PCDHGA7: variants seen among roughly 807,000 people sequenced by gnomAD.
The protein encoded by PCDHGA7 is protocadherin gamma-A7.
A neutral mutation model predicts 58.3 loss-of-function variants in PCDHGA7; 44 were observed. The ratio of observed to expected loss-of-function variants is 0.75; its 90% CI spans 0.59 to 0.97. The LOEUF (loss-of-function observed/expected upper bound fraction) is 0.97. Among genes scored for constraint, PCDHGA7 ranks in the 50% least tolerant of loss-of-function variants. The pLI, the probability that PCDHGA7 is intolerant of heterozygous loss-of-function variation, is 0.00. For missense variants in PCDHGA7, 1,266 were observed against 1,188.7 expected (o/e 1.06, Z -0.96); for synonymous variants, 516 against 504.2 (o/e 1.02, Z -0.31).
rs564486909 is a variant in PCDHGA7, at chr5:141,428,072, G to A, written c.2424+42749G>A. The A allele has an allele frequency of 1.6e-5, 25 of 1,609,080 alleles. No individual in the cohort carries two copies. The South Asian group carries it at 1.9e-4, about 12-fold the overall frequency. On this transcript the variant is annotated intron_variant, in intron 1 of 3. Coordinates refer to ENST00000518325, the MANE Select transcript of PCDHGA7 (RefSeq NM_018920.4). The stretch of plus-strand genomic sequence containing the variant: ...AGGTGGTGGCGGTGGACGCAGATTC[G>A]GGACACAACGCTTGGCTGTCCTACC...
intron 1 of PCDHGA7, chr5:141,414,202 G>A: frequency 6.2e-7 from 1 of 1,611,912 alleles, no homozygotes; most frequent in Non-Finnish European, 8.5e-7. Flanking sequence ...TACAGTAGAA[G>A]ATGTAAATGA....
At chr5:141,421,436 G>C (rs373015809) in intron 1 of PCDHGA7, 6 of 1,613,994 alleles carry the variant, frequency 3.7e-6, no homozygotes, top group African/African-American at 2.7e-5. Context: ...ATCGTCTCCA[G>C]AGGGAAGACA....
In PCDHGA7 at chr5:141,383,797, G is replaced by T; in HGVS notation, c.898G>T (p.Glu300Ter). The change falls in exon 1 of 4, where the codon GAA becomes TAA. Residue 300 changes from glutamate to a stop codon, truncating the protein, a stop_gained. Transcript: ENST00000518325. LOFTEE classifies it high-confidence loss of function. The part of the protein sequence containing the change: ...KMFHLNSLTG[E>*]ISTLEGLDYE... ...GTTTCATCTGAACTCGCTTACAGGAGAAATATCAACTTTAGAAGGATTAGA... is the reference window on the plus strand; with the variant it reads ...GTTTCATCTGAACTCGCTTACAGGATAAATATCAACTTTAGAAGGATTAGA... The T allele has an allele frequency of 6.2e-7, 1 of 1,613,962 alleles. No individual in the cohort carries two copies.
chr5:141,413,397 T>A, intron 1 of PCDHGA7: 1 of 1,613,942 alleles, frequency 6.2e-7, no homozygotes, highest in Non-Finnish European at 8.5e-7. Context: ...TCTCCAGAGG[T>A]AGGACGCAGC....
At chr5:141,488,011 T>C (rs1424799954) in intron 1 of PCDHGA7, among the ~76,000 whole-genome samples, 1 of 152,182 alleles carries the variant, frequency 6.6e-6, no homozygotes, top group Non-Finnish European at 1.5e-5. Context: ...GATTCTGAAG[T>C]ACCTTAACTC....
intron 3 of PCDHGA7, among the ~76,000 whole-genome samples, chr5:141,509,049 C>G (rs1384134813): frequency 3.3e-5 from 5 of 152,150 alleles, no homozygotes; most frequent in Non-Finnish European, 5.9e-5. Context: ...TCCCCCGCCC[C>G]CAGAAAGCTC....
chr5:141,387,299 G>A (rs1405240674), intron 1 of PCDHGA7, among the ~76,000 whole-genome samples: 2 of 152,182 alleles, frequency 1.3e-5, no homozygotes, highest in South Asian at 2.1e-4. Flanking sequence ...AATGTATCCA[G>A]TATATTTCTA....
In PCDHGA7 at chr5:141,383,899, C is replaced by G. The variant is rs560928380; in HGVS notation, c.1000C>G (p.Leu334Val). The G allele has an allele frequency of 6.2e-6, 10 of 1,613,958 alleles. No individual in the cohort carries two copies. Among genetic ancestry groups the G allele is most frequent in the South Asian group, 1.1e-5 (1 of 91,078 alleles). The change falls in exon 1 of 4, where the codon CTG (leucine) becomes GTG (valine). Residue 334 changes from leucine to valine, a missense_variant. Leu to Val is a conservative substitution (Grantham distance 32, BLOSUM62 1). Coordinates refer to ENST00000518325, the MANE Select transcript of PCDHGA7 (RefSeq NM_018920.4). ...TGGTAGTCTGACAAAGGCAAAAGTA[C>G]TGATCACAGTTTTAGATGTAAATGA... is the stretch of plus-strand genomic sequence containing the variant. The part of the protein sequence containing the change: ...GPGSLTKAKV[L>V]ITVLDVNDNA...
At position 141,489,515 on chromosome 5, in the gene PCDHGA7, G is replaced by T; in HGVS notation, c.2425-5292G>T. ...CTGGCAGTGAATCAAAAGATTGACC[G>T]AGAAAGCCTATGTGGAGCCAGCACC... On this transcript the variant is annotated intron_variant, in intron 1 of 3. Coordinates refer to ENST00000518325, the MANE Select transcript of PCDHGA7 (RefSeq NM_018920.4). This position sits in a 1 kb window ranked among gnomAD's most constrained non-coding sequence, Gnocchi z 4.5. 4.3e-6 allele frequency: 7 copies of T among 1,614,104 alleles called. No individual in the cohort carries two copies. Among genetic ancestry groups the T allele is most frequent in the Non-Finnish European group, 5.9e-6 (7 of 1,180,034 alleles).
At position 141,477,781 on chromosome 5, in the gene PCDHGA7, A is replaced by G; in HGVS notation, c.2425-17026A>G. 6.2e-7 allele frequency: 1 copy of G among 1,614,036 alleles called. No homozygotes were observed. Among genetic ancestry groups the G allele is most frequent in the South Asian group, 1.1e-5 (1 of 91,090 alleles). Reference sequence around the variant, plus strand: ...TAGCCACCAACATCAGCGTGAACATATTTGTCACTGATCGCAATGACAATG... The same window carrying G: ...TAGCCACCAACATCAGCGTGAACATGTTTGTCACTGATCGCAATGACAATG... On this transcript the variant is annotated intron_variant, in intron 1 of 3. Coordinates refer to ENST00000518325, the MANE Select transcript of PCDHGA7 (RefSeq NM_018920.4). The surrounding 1 kb of genome is among the most constrained non-coding windows in gnomAD (Gnocchi z 4.9).
chr5:141,430,594 C>T, intron 1 of PCDHGA7: 3 of 563,604 alleles, frequency 5.3e-6, no homozygotes, highest in Non-Finnish European at 5.7e-6. Flanking sequence ...GCCTTGCACG[C>T]GCCTGAAGCA....
intron 1 of PCDHGA7, chr5:141,404,341 A>C (rs2094516146): frequency 3.1e-6 from 5 of 1,613,966 alleles, no homozygotes; most frequent in Non-Finnish European, 4.2e-6. Context: ...ACCTCCCGGA[A>C]AACAACGCCA....
chr5:141,403,074 A>T (rs777613681), intron 1 of PCDHGA7: 1 of 1,614,088 alleles, frequency 6.2e-7, no homozygotes, highest in South Asian at 1.1e-5. Context: ...GAGACAGAAA[A>T]GGGCTATATT....
Position 141,410,070 on chromosome 5 carries a change from C to A in PCDHGA7, c.2424+24747C>A, listed in dbSNP as rs1368179504. On this transcript the variant is annotated intron_variant, in intron 1 of 3. Transcript: ENST00000518325. ...GGACTCTTCAGCCTGGGGCTGCGCA[C>A]TGGGGAGGTGCGCACGGCTCGAGCC... 6.2e-7 allele frequency: 1 copy of A among 1,612,806 alleles called. No homozygotes were observed. The highest frequency in any genetic ancestry group is 1.3e-5 in the African/African-American group (1 of 74,938).
chr5:141,405,394 C>T, intron 1 of PCDHGA7: 4 of 1,593,132 alleles, frequency 2.5e-6, no homozygotes, highest in Non-Finnish European at 3.4e-6. Context: ...CATTTTTTTT[C>T]TTTCTTTCTT....
chr5:141,496,723 T>G (rs1312615861), intron 2 of PCDHGA7, among the ~76,000 whole-genome samples: 3 of 152,212 alleles, frequency 2.0e-5, no homozygotes, highest in Non-Finnish European at 4.4e-5. Context: ...AAGTCATTAA[T>G]GTATTCATTC....
chr5:141,417,963 A>T (rs1260025037), intron 1 of PCDHGA7: 1 of 1,613,258 alleles, frequency 6.2e-7, no homozygotes, highest in Non-Finnish European at 8.5e-7. Flanking sequence ...CCGATCCGCT[A>T]CTCGATTCCG....
chr5:141,488,714 A>G (rs2099678684), intron 1 of PCDHGA7, among the ~76,000 whole-genome samples: 1 of 152,192 alleles, frequency 6.6e-6, no homozygotes, highest in Non-Finnish European at 1.5e-5. Flanking sequence ...TGGTTCAAGC[A>G]AAGTGGTGGA....
Position 141,432,098 on chromosome 5 carries a change from G to C in PCDHGA7, c.2424+46775G>C, listed in dbSNP as rs771050429. The C allele has an allele frequency of 1.9e-6, 3 of 1,613,938 alleles. No homozygotes were observed. The highest frequency in any genetic ancestry group is 1.7e-5 in the Admixed American group (1 of 59,992). On this transcript the variant is annotated intron_variant, in intron 1 of 3. Transcript: ENST00000518325. The surrounding 1 kb of genome is among the most constrained non-coding windows in gnomAD (Gnocchi z 6.0). ...CTCGCTGAACGTGGCAGACACCAAC[G>C]ACAACCCGCCGGTCTTCCCTCAGGC...
Sources: allele counts gnomAD v4.1 joint callset (sites outside exome capture counted in the v4.1 genomes callset), GRCh38; gene constraint gnomAD v4.1.1; non-coding constraint Gnocchi (gnomAD v3.1); transcripts MANE v1.5; gene names NCBI Gene and HGNC (gene_info 2026-07-23, HGNC 2026-07-21).